DYM: variants seen among roughly 807,000 people sequenced by gnomAD.
DYM encodes dymeclin.
In DYM, 78 loss-of-function variants were observed where a neutral mutation model predicts 93.1. That is an observed-to-expected ratio of 0.84 (90% CI 0.70 to 1.01). The LOEUF is 1.01. Among genes scored for constraint, DYM ranks in the 50% least tolerant of loss-of-function variants. DYM has a pLI of 0.00. For missense variants in DYM, 789 were observed against 845.0 expected (o/e 0.93, Z 0.82); for synonymous variants, 321 against 319.7 (o/e 1.00, Z -0.04).
chr18:49,220,376 A>C (rs368907263), intron 13 of DYM, among the ~76,000 whole-genome samples: 2 of 149,122 alleles, frequency 1.3e-5, no homozygotes, highest in South Asian at 2.2e-4. Flanking sequence ...GCTACCAATG[A>C]CTTTCTTCAC....
At chr18:49,255,944 T>G (rs1317333575) in intron 13 of DYM, among the ~76,000 whole-genome samples, 1 of 150,034 alleles carries the variant, frequency 6.7e-6, no homozygotes, top group East Asian at 2.0e-4. Flanking sequence ...ATTAGCCGGG[T>G]GTGGTGGCGG....
At chr18:49,279,296 T>G (rs1041826869) in intron 10 of DYM, among the ~76,000 whole-genome samples, 1 of 152,300 alleles carries the variant, frequency 6.6e-6, no homozygotes, top group East Asian at 1.9e-4. Flanking sequence ...TTACACACAA[T>G]AAGGTATTTC....
At chr18:49,347,388 C>T (rs1193301110) in intron 6 of DYM, among the ~76,000 whole-genome samples, 2 of 151,932 alleles carry the variant, frequency 1.3e-5, no homozygotes, top group Non-Finnish European at 2.9e-5. Flanking sequence ...AGAAGACTGC[C>T]ATAAATATTA....
At position 49,267,791 on chromosome 18, in the gene DYM, G is replaced by A. The variant is rs148700320; in HGVS notation, c.1251+4387C>T. 3.6e-3 allele frequency among the ~76,000 whole-genome samples: 541 copies of A among 152,172 alleles called. 4 individuals carry two copies. Among genetic ancestry groups the A allele is most frequent in the African/African-American group, 0.012 (494 of 41,520 alleles). On this transcript the variant is annotated intron_variant, in intron 11 of 17. Transcript: ENST00000675505. ...CGTGTGCCTGTAGTCCCAGCTACTC[G>A]GGAGGCTGAGGCATGAGAATCACTT...
intron 13 of DYM, among the ~76,000 whole-genome samples, chr18:49,224,017 A>T (rs1292037598): frequency 6.6e-6 from 1 of 152,076 alleles, no homozygotes; most frequent in Non-Finnish European, 1.5e-5. Context: ...TGATGAAGCA[A>T]GAGTTGACAT....
At chr18:49,180,148 A>T (rs1754294155) in intron 14 of DYM, among the ~76,000 whole-genome samples, 1 of 152,172 alleles carries the variant, frequency 6.6e-6, no homozygotes, top group Admixed American at 6.5e-5. Context: ...TAATCTGTTC[A>T]GTCAAAAAGT....
intron 10 of DYM, among the ~76,000 whole-genome samples, chr18:49,275,681 A>G (rs911222337): frequency 1.3e-5 from 2 of 152,116 alleles, no homozygotes; most frequent in African/African-American, 4.8e-5. Flanking sequence ...GTTTAAGACC[A>G]GCCTGGGCAA....
rs1485371155 is a variant in DYM at position 49,037,377 on chromosome 18, G to A, written c.*6678C>T. On this transcript the variant is annotated 3_prime_UTR_variant, in exon 18 of 18. Coordinates refer to ENST00000675505, the MANE Select transcript of DYM (RefSeq NM_001353214.3). ...AACATAAACATTTAAATATATATGT[G>A]TGTGTATATATATATATGAACAATA... 1.3e-5 allele frequency among the ~76,000 whole-genome samples: 2 copies of A among 151,846 alleles called. No individual in the cohort carries two copies. The highest frequency in any genetic ancestry group is 2.9e-5 in the Non-Finnish European group (2 of 68,010).
At chr18:49,329,554 A>C (rs2063166791) in intron 8 of DYM, 2 of 152,276 alleles carry the variant, frequency 1.3e-5, no homozygotes, top group South Asian at 4.1e-4. Flanking sequence ...AAATGAGAAG[A>C]AACTGCAGAA....
rs2059939542 is a variant in DYM, at chr18:49,289,746, T to TATATATATATATATACAC, written c.764-3131_764-3130insGTGTATATATATATATAT. The stretch of plus-strand genomic sequence containing the variant: ...ATATGTGTATATATATATATATATA[T>TATATATATATATATACAC]ATATATATATATATATATATATATA... On this transcript the variant is annotated intron_variant, in intron 8 of 17. Coordinates refer to ENST00000675505, the MANE Select transcript of DYM (RefSeq NM_001353214.3). Among the ~76,000 whole-genome samples, 6 of 42,852 alleles carry TATATATATATATATACAC rather than the reference T, an allele frequency of 1.4e-4. No individual in the cohort carries two copies. The East Asian group carries it at 2.4e-3, about 17-fold the overall frequency. 28.1% of individuals were successfully genotyped at this position (42,852 alleles called of 152,430 possible). A position where few individuals can be genotyped will look rare whatever the true frequency, so the allele number is the denominator to read the frequency against.
intron 17 of DYM, among the ~76,000 whole-genome samples, chr18:49,086,728 C>G (rs1316684548): frequency 6.6e-6 from 1 of 152,078 alleles, no homozygotes; most frequent in African/African-American, 2.4e-5. Flanking sequence ...CGCGGTGGCT[C>G]TGTAATCCCA....
intron 15 of DYM, among the ~76,000 whole-genome samples, chr18:49,162,391 T>C (rs142082721): frequency 3.8e-4 from 58 of 152,306 alleles, no homozygotes; most frequent in Admixed American, 9.2e-4. Flanking sequence ...CATCCCAAGA[T>C]GATGCAGGGT....
At position 49,044,159 on chromosome 18, in the gene DYM, C is replaced by T. The variant is rs763961494; in HGVS notation, c.2071G>A (p.Glu691Lys). 24 of 1,614,138 alleles carry T rather than the reference C, an allele frequency of 1.5e-5. No individual in the cohort carries two copies. Among genetic ancestry groups the T allele is most frequent in the Admixed American group, 3.3e-5 (2 of 60,010 alleles). The change falls in exon 18 of 18, where the codon GAG (glutamate) becomes AAG (lysine). Residue 691 changes from glutamate (E) to lysine (K), a missense_variant. By Grantham distance (56) the Glu-to-Lys change is moderately conservative (BLOSUM62 1). This residue lies in a region of DYM where 114 missense variants were observed against 105.8 expected (regional missense o/e 1.08). Transcript: ENST00000675505. The part of the protein sequence containing the change: ...KFKYVEEEQP[E>K]EFFIPYVWSL... The stretch of plus-strand genomic sequence containing the variant: ...CAGACATAGGGGATAAAAAACTCCT[C>T]GGGCTGCTCCTCTTCCACATATTTG...
intron 8 of DYM, among the ~76,000 whole-genome samples, chr18:49,327,411 C>T (rs192935861): frequency 2.6e-5 from 4 of 152,098 alleles, no homozygotes; most frequent in East Asian, 3.9e-4. Context: ...GGCTGGAGTG[C>T]GGTGGCGTGA....
intron 17 of DYM, among the ~76,000 whole-genome samples, chr18:49,080,349 A>C (rs1246283499): frequency 2.2e-3 from 143 of 64,938 alleles, no homozygotes; most frequent in Admixed American, 2.9e-3. Context: ...ACCCCCCCCA[A>C]CTCCCTCCCG....
chr18:49,327,692 A>G (rs2063001120), intron 8 of DYM, among the ~76,000 whole-genome samples: 1 of 152,142 alleles, frequency 6.6e-6, no homozygotes, highest in Non-Finnish European at 1.5e-5. Context: ...TCTGTAATAA[A>G]ATGTTAGAAA....
intron 17 of DYM, among the ~76,000 whole-genome samples, chr18:49,083,273 T>G (rs2078217276): frequency 6.6e-6 from 1 of 152,202 alleles, no homozygotes; most frequent in South Asian, 2.1e-4. Flanking sequence ...GATCATGTGG[T>G]TTGTCCTTTA....
chr18:49,378,476 G>T, intron 5 of DYM, 91 bp downstream of exon 5: 1 of 1,249,294 alleles, frequency 8.0e-7, no homozygotes. Context: ...AAGGATAACT[G>T]GAATTTTCAA....
chr18:49,220,560 T>C (rs372958916), intron 13 of DYM, among the ~76,000 whole-genome samples: 4 of 150,604 alleles, frequency 2.7e-5, no homozygotes, highest in South Asian at 4.2e-4. Flanking sequence ...AACAGAGATA[T>C]AGATCAATGG....
Sources: allele counts gnomAD v4.1 joint callset (sites outside exome capture counted in the v4.1 genomes callset), GRCh38; gene constraint gnomAD v4.1.1; regional missense constraint gnomAD v4.1.1; transcripts MANE v1.5; gene names NCBI Gene and HGNC (gene_info 2026-07-23, HGNC 2026-07-21).